Variants in NACC2 observed in about 807,000 individuals in gnomAD.
The protein encoded by NACC2 is nucleus accumbens-associated protein 2.
Under a neutral mutation model 25.1 loss-of-function variants are expected in NACC2, and 8 were observed. The observed-to-expected ratio is 0.32, with a 90% CI of 0.19 to 0.57. The LOEUF (loss-of-function observed/expected upper bound fraction) is 0.57, where lower values mean the gene tolerates loss of function less well. NACC2 is among the 20% of genes least tolerant of loss of function. NACC2 has a pLI of 0.89. For missense variants in NACC2, 644 were observed against 650.2 expected, an observed-to-expected ratio of 0.99 and a Z score of 0.10; for synonymous variants, 435 against 294.7, an observed-to-expected ratio of 1.48 and a Z score of -4.88.
chr9:136,078,564 C>T (rs1178465649), intron 1 of NACC2, among the ~76,000 whole-genome samples: 1 of 152,200 alleles, frequency 6.6e-6, no homozygotes, highest in Non-Finnish European at 1.5e-5. Context: ...TGGAACCGTA[C>T]CTGGATGCAT....
In NACC2 at chr9:136,008,114, G is replaced by A. The variant is rs1370677563; in HGVS notation, c.*3402C>T. On this transcript the variant is annotated 3_prime_UTR_variant, in exon 6 of 6. Transcript: ENST00000277554. Reference sequence around the variant, plus strand: ...GCCCACAGCTTTGTCCACATTCAGGGGCAAAGTACAACAACCAAATCCAAT... The same window carrying A: ...GCCCACAGCTTTGTCCACATTCAGGAGCAAAGTACAACAACCAAATCCAAT... 2 of 152,276 alleles carry A rather than the reference G, an allele frequency of 1.3e-5. No homozygotes were observed. The highest frequency in any genetic ancestry group is 2.4e-5 in the African/African-American group (1 of 41,448). The allele number at this position is 152,276 out of a possible 1,614,324, so 9.4% of individuals were successfully genotyped here.
Position 136,011,646 on chromosome 9 carries a change from G to A in NACC2, c.1634C>T (p.Pro545Leu), listed in dbSNP as rs770936995. 13 of 1,404,756 alleles carry A rather than the reference G, an allele frequency of 9.3e-6. No individual in the cohort carries two copies. In the Admixed American group the frequency reaches 1.6e-4, roughly 18 times the overall value. 87.0% of individuals were successfully genotyped at this position (1,404,756 alleles called of 1,614,324 possible). A position where few individuals can be genotyped will look rare whatever the true frequency, so the allele number is the denominator to read the frequency against. Reference protein sequence around the residue: ...AGSVIQEVAAPEPLPADGQSP... With the variant: ...AGSVIQEVAALEPLPADGQSP... ...CTGGCCATCGGCGGGCAGCGGCTCG[G>A]GGGCGGCCACCTCCTGGATGACCGA... The change falls in exon 6 of 6, where the codon CCC (proline) becomes CTC (leucine). Residue 545 changes from proline to leucine, a missense_variant. Transcript: ENST00000277554.
At chr9:136,026,566 A>G (rs1200665709) in intron 2 of NACC2, among the ~76,000 whole-genome samples, 1 of 152,102 alleles carries the variant, frequency 6.6e-6, no homozygotes, top group East Asian at 1.9e-4. Context: ...GATCTCAGAT[A>G]GGAGGGAGTG....
At chr9:136,038,496 T>C (rs1840585893) in intron 2 of NACC2, among the ~76,000 whole-genome samples, 2 of 152,230 alleles carry the variant, frequency 1.3e-5, no homozygotes, top group Non-Finnish European at 2.9e-5. Flanking sequence ...GTTGAGATCG[T>C]GCCACTGCAT....
intron 2 of NACC2, among the ~76,000 whole-genome samples, chr9:136,038,587 CAA>C (rs1392968100): frequency 6.6e-6 from 1 of 151,900 alleles, no homozygotes; most frequent in Non-Finnish European, 1.5e-5. Flanking sequence ...AATTGTACAT[CAA>C]AGAGGAAATG....
At chr9:136,083,864 C>A (rs1830351522) in intron 1 of NACC2, among the ~76,000 whole-genome samples, 1 of 152,218 alleles carries the variant, frequency 6.6e-6, no homozygotes, top group Non-Finnish European at 1.5e-5. Flanking sequence ...GAGGGCAGAT[C>A]TTCTCAGACA....
At chr9:136,070,233 C>T (rs117956982) in intron 1 of NACC2, among the ~76,000 whole-genome samples, 2,528 of 151,896 alleles carry the variant, frequency 0.017, 40 homozygotes, top group Non-Finnish European at 0.024. Context: ...ACGGGCCGGG[C>T]GTGGTGGCTC....
In NACC2 at chr9:136,016,303, G is replaced by A. The variant is rs779727559; in HGVS notation, c.1013C>T (p.Ser338Leu). ...IGYRCHPKLY[S>L]EGDPGEKLEL... is the part of the protein sequence containing the mutation. ...CAGCTTCTCCCCGGGGTCCCCTTCC[G>A]AGTAGAGCTTGGGATGGCAGCGGTA... is the stretch of plus-strand genomic sequence containing the variant. The change falls in exon 3 of 6, where the codon TCG becomes TTG. Residue 338 changes from serine (S) to leucine (L), a missense_variant. Transcript: ENST00000277554. The A allele has an allele frequency of 5.6e-6, 9 of 1,612,848 alleles. No individual in the cohort carries two copies. The highest frequency in any genetic ancestry group is 2.7e-5 in the African/African-American group (2 of 74,902).
At chr9:136,087,979 T>C (rs1830396361) in intron 1 of NACC2, among the ~76,000 whole-genome samples, 1 of 152,114 alleles carries the variant, frequency 6.6e-6, no homozygotes, top group Admixed American at 6.5e-5. Flanking sequence ...CTGGGGACTC[T>C]GCTGGGAAGT....
chr9:136,024,348 A>AGT (rs1218239187), intron 2 of NACC2, among the ~76,000 whole-genome samples: 1 of 111,310 alleles, frequency 9.0e-6, no homozygotes, highest in South Asian at 3.3e-4. Context: ...GTGAGGACAG[A>AGT]GTGTGTGTGT....
intron 3 of NACC2, among the ~76,000 whole-genome samples, chr9:136,014,911 A>G (rs1413274060): frequency 6.6e-6 from 1 of 152,166 alleles, no homozygotes; most frequent in Non-Finnish European, 1.5e-5. Flanking sequence ...AGCAGGACTG[A>G]ACCCTCTGGG....
intron 1 of NACC2, 63 bp downstream of exon 1, chr9:136,095,126 C>T (rs1830476726): frequency 6.8e-6 from 1 of 146,572 alleles, no homozygotes; most frequent in South Asian, 2.1e-4. Context: ...GGGCCCGGCC[C>T]GTGGGACGAC....
intron 1 of NACC2, among the ~76,000 whole-genome samples, chr9:136,059,929 G>C (rs1027397405): frequency 6.6e-6 from 1 of 152,224 alleles, no homozygotes; most frequent in Non-Finnish European, 1.5e-5. Flanking sequence ...GACCAGCAGA[G>C]AGGGGCCGCA....
chr9:136,031,436 C>T (rs1052092518), intron 2 of NACC2, among the ~76,000 whole-genome samples: 33 of 152,236 alleles, frequency 2.2e-4, no homozygotes, highest in African/African-American at 7.0e-4. Flanking sequence ...CTCCCGGGTT[C>T]GAGCAATTCT....
intron 1 of NACC2, among the ~76,000 whole-genome samples, chr9:136,092,650 C>T (rs1314642686): frequency 6.6e-6 from 1 of 152,220 alleles, no homozygotes; most frequent in East Asian, 1.9e-4. Flanking sequence ...GCCACTGAGG[C>T]AGGGACATGT....
chr9:136,025,630 G>A (rs541028875), intron 2 of NACC2, among the ~76,000 whole-genome samples: 2 of 149,436 alleles, frequency 1.3e-5, no homozygotes, highest in African/African-American at 2.5e-5. Context: ...AAAAAAAAAC[G>A]CAGCCGGGCG....
chr9:136,043,459 C>T (rs1430909408), intron 2 of NACC2, among the ~76,000 whole-genome samples: 3 of 152,266 alleles, frequency 2.0e-5, no homozygotes, highest in African/African-American at 7.2e-5. Flanking sequence ...TGACAGAGAA[C>T]CCCGGCTGCC....
rs1830357098 is a variant in NACC2 at position 136,084,513 on chromosome 9, T to C, written c.-60+10676A>G. On this transcript the variant is annotated intron_variant, in intron 1 of 5. Coordinates refer to ENST00000277554, the MANE Select transcript of NACC2 (RefSeq NM_144653.5). The surrounding 1 kb of genome is among the most constrained non-coding windows in gnomAD (Gnocchi z 5.1). ...CAGACAAACCTACCTCGAGGGTCCATCTATCAAATCTGTCAAACTGGCCCA... is the reference window on the plus strand; with the variant it reads ...CAGACAAACCTACCTCGAGGGTCCACCTATCAAATCTGTCAAACTGGCCCA... Among the ~76,000 whole-genome samples the C allele has an allele frequency of 6.6e-6, 1 of 152,058 alleles. No individual in the cohort carries two copies.
At chr9:136,051,510 C>T (rs1028850820) in intron 1 of NACC2, among the ~76,000 whole-genome samples, 32 of 152,246 alleles carry the variant, frequency 2.1e-4, no homozygotes, top group Admixed American at 3.3e-4. Context: ...GTGCGGACTC[C>T]GGAGGGGGCG....
Sources: gnomAD v4.1 joint callset for allele counts (sites outside exome capture counted in the v4.1 genomes callset) on GRCh38, gnomAD v4.1.1 for gene constraint, Gnocchi (gnomAD v3.1) non-coding constraint, MANE v1.5 for transcripts, NCBI Gene and HGNC (gene_info 2026-07-23, HGNC 2026-07-21) for gene names.